CDV3: variants seen among roughly 807,000 people sequenced by gnomAD.
The protein encoded by CDV3 is CDV3 homolog, also known as protein CDV3 homolog.
A neutral mutation model predicts 24.5 loss-of-function variants in CDV3; 14 were observed. The observed-to-expected ratio is 0.57, with a 90% CI of 0.38 to 0.89. CDV3 has a LOEUF of 0.89. Among genes scored for constraint, CDV3 ranks in the 40% least tolerant of loss-of-function variants. The pLI is 0.00. For missense variants in CDV3, 304 were observed against 310.2 expected (o/e 0.98, Z 0.15); for synonymous variants, 114 against 114.1 (o/e 1.00, Z 0.00).
Position 133,575,110 on chromosome 3 carries a change from A to G in CDV3, c.312A>G (p.Gln104=). ...DYSGLRVQAM[Q]ISSEKEEDDN... ...GCGGCCTCAGGGTTCAGGCAATGCA[A>G]ATAAGGTATAGTCTGGTTACAAATG... Residue 104 remains glutamine (Q), a synonymous_variant, in exon 2 of 5, where the codon CAA becomes CAG. Coordinates refer to ENST00000264993, the MANE Select transcript of CDV3 (RefSeq NM_017548.5). The G allele has an allele frequency of 2.0e-6, 3 of 1,531,292 alleles. No homozygotes were observed. The highest frequency in any genetic ancestry group is 1.4e-5 in the African/African-American group (1 of 73,478). 94.9% of individuals were successfully genotyped at this position (1,531,292 alleles called of 1,614,324 possible). A position where few individuals can be genotyped will look rare whatever the true frequency, so the allele number is the denominator to read the frequency against.
chr3:133,576,438 G>A (rs1467560710), intron 2 of CDV3, among the ~76,000 whole-genome samples: 1 of 152,150 alleles, frequency 6.6e-6, no homozygotes, highest in African/African-American at 2.4e-5. Context: ...TGTGTGTGTG[G>A]CTCCGGTTCT....
At chr3:133,575,879 G>GA (rs1287499038) in intron 2 of CDV3, among the ~76,000 whole-genome samples, 1 of 152,138 alleles carries the variant, frequency 6.6e-6, no homozygotes, top group East Asian at 1.9e-4. Context: ...CATAAAGTAG[G>GA]AAAAAACAAA....
At chr3:133,583,214 A>G (rs753135412) in intron 2 of CDV3, among the ~76,000 whole-genome samples, 17 of 152,214 alleles carry the variant, frequency 1.1e-4, no homozygotes, top group South Asian at 2.1e-4. Flanking sequence ...GGCTAATTCT[A>G]TCCTCTGTAA....
At chr3:133,587,088 C>A in intron 4 of CDV3, 4 of 755,694 alleles carry the variant, frequency 5.3e-6, no homozygotes, top group Non-Finnish European at 6.0e-6. Context: ...TAATTGTATT[C>A]CCAGTTAATG....
intron 2 of CDV3, among the ~76,000 whole-genome samples, chr3:133,582,177 C>T (rs1332515731): frequency 6.6e-6 from 1 of 152,028 alleles, no homozygotes; most frequent in African/African-American, 2.4e-5. Context: ...TTATTTTTGA[C>T]ACGGAGTCTC....
At chr3:133,580,294 A>C (rs891595760) in intron 2 of CDV3, among the ~76,000 whole-genome samples, 6 of 152,252 alleles carry the variant, frequency 3.9e-5, no homozygotes, top group African/African-American at 1.4e-4. Context: ...TGCAAAGGAC[A>C]TGAGCTCATC....
At position 133,584,032 on chromosome 3, in the gene CDV3, G is replaced by A. The variant is rs758306813; in HGVS notation, c.348G>A (p.Lys116=). 10 of 1,609,516 alleles carry A rather than the reference G, an allele frequency of 6.2e-6. No homozygotes were observed. The highest frequency in any genetic ancestry group is 3.4e-4 in the Middle Eastern group (2 of 5,958). ...AAAAGGAAGAAGACGATAATGAAAA[G>A]AGACAAGATCCAGGTGATAACTGGG... is the stretch of plus-strand genomic sequence containing the variant. ...SSEKEEDDNE[K]RQDPGDNWEE... Residue 116 remains lysine, a synonymous_variant, in exon 3 of 5, where the codon AAG becomes AAA. Transcript: ENST00000264993.
chr3:133,575,078 G>A lies in CDV3; in HGVS notation c.280G>A (p.Asp94Asn). The A allele has an allele frequency of 6.2e-7, 1 of 1,605,374 alleles. No individual in the cohort carries two copies. The change falls in exon 2 of 5, where the codon GAT (aspartate) becomes AAT (asparagine). Residue 94 changes from aspartate (D) to asparagine (N), a missense_variant. By Grantham distance (23) the Asp-to-Asn change is conservative. Coordinates refer to ENST00000264993, the MANE Select transcript of CDV3 (RefSeq NM_017548.5). The part of the protein sequence containing the change: ...EWKELEQKEV[D>N]YSGLRVQAMQ... ...GAAAGAATTGGAGCAAAAAGAGGTT[G>A]ATTACAGCGGCCTCAGGGTTCAGGC...
rs933818165 is a variant in CDV3 at position 133,574,206 on chromosome 3, G to C, written c.162G>C (p.Ala54=). 2.1e-5 allele frequency: 21 copies of C among 1,014,134 alleles called. No individual in the cohort carries two copies. The highest frequency in any genetic ancestry group is 6.0e-5 in the Admixed American group (1 of 16,624). The allele number at this position is 1,014,134 out of a possible 1,614,324, so 62.8% of individuals were successfully genotyped here. A position where few individuals can be genotyped will look rare whatever the true frequency, so the allele number is the denominator to read the frequency against. ...GTGCGGCGGGCGGCGGGGCGGGCGC[G>C]GGGACCCGGCCGGGTGACGGCGGGA... is the stretch of plus-strand genomic sequence containing the variant. ...AAGAAGGGAG[A]GTRPGDGGTA... is the part of the protein sequence containing the mutation. Residue 54 remains alanine (A), a synonymous_variant, in exon 1 of 5, where the codon GCG becomes GCC. Transcript: ENST00000264993.
intron 1 of CDV3, chr3:133,574,540 C>T (rs2074727441): frequency 6.1e-6 from 6 of 985,878 alleles, no homozygotes; most frequent in Non-Finnish European, 7.2e-6. Flanking sequence ...CGCCACCCTC[C>T]GGGGGCACTA....
chr3:133,588,159 AT>A lies in CDV3; in HGVS notation c.*116del. 1 of 1,551,354 alleles carries A rather than the reference AT, an allele frequency of 6.4e-7. No individual in the cohort carries two copies. The highest frequency in any genetic ancestry group is 1.3e-5 in the South Asian group (1 of 79,914). On this transcript the variant is annotated 3_prime_UTR_variant, in exon 5 of 5. Coordinates refer to ENST00000264993, the MANE Select transcript of CDV3 (RefSeq NM_017548.5). ...TACAGACACCGATGCAGACCACTCG[AT>A]TTCATGACCGGCCCTATTGCACTAT... is the stretch of plus-strand genomic sequence containing the variant.
At chr3:133,578,440 C>G (rs1005546955) in intron 2 of CDV3, among the ~76,000 whole-genome samples, 9 of 152,298 alleles carry the variant, frequency 5.9e-5, no homozygotes, top group African/African-American at 2.2e-4. Context: ...TTAGGTAGAG[C>G]TGGTTACATT....
rs1408594549 is a variant in CDV3, at chr3:133,586,798, A to G, written c.626+76A>G. On this transcript the variant is annotated intron_variant, in intron 4 of 4. Coordinates refer to ENST00000264993, the MANE Select transcript of CDV3 (RefSeq NM_017548.5). ...AGGGAGTGGGATATAGGGGATGTGC[A>G]TACCCACCCAAGGGAGAGACTACTC... 7.0e-6 allele frequency: 6 copies of G among 854,822 alleles called. No individual in the cohort carries two copies. In the Admixed American group the frequency reaches 9.6e-5, roughly 14 times the overall value. 53.0% of individuals were successfully genotyped at this position (854,822 alleles called of 1,614,324 possible).
chr3:133,582,500 A>G lies in CDV3; in HGVS notation c.318-1502A>G, dbSNP rs116411591. 9.1e-3 allele frequency among the ~76,000 whole-genome samples: 1,389 copies of G among 152,356 alleles called. 8 individuals are homozygous for G. Among genetic ancestry groups the G allele is most frequent in the Non-Finnish European group, 0.013 (872 of 68,032 alleles). On this transcript the variant is annotated intron_variant, in intron 2 of 4. Transcript: ENST00000264993. ...TTTGCCACTTACTTTTTTCCTAAGTATCTTTAAAGGAGACTGTCAAGCTAG... is the reference window on the plus strand; with the variant it reads ...TTTGCCACTTACTTTTTTCCTAAGTGTCTTTAAAGGAGACTGTCAAGCTAG...
Position 133,573,900 on chromosome 3 carries a change from C to A in CDV3, c.-145C>A. ...ACGCAGGGGGAGCCGCCCGTCTCGC[C>A]GCGCACGCCTCGGCGACCCCGCGGG... On this transcript the variant is annotated 5_prime_UTR_variant, in exon 1 of 5. Coordinates refer to ENST00000264993, the MANE Select transcript of CDV3 (RefSeq NM_017548.5). The A allele has an allele frequency of 1.9e-6, 1 of 527,444 alleles. No individual in the cohort carries two copies. The highest frequency in any genetic ancestry group is 2.4e-6 in the Non-Finnish European group (1 of 411,644). The allele number at this position is 527,444 out of a possible 1,614,324, so 32.7% of individuals were successfully genotyped here. A position where few individuals can be genotyped will look rare whatever the true frequency, so the allele number is the denominator to read the frequency against.
intron 2 of CDV3, among the ~76,000 whole-genome samples, chr3:133,577,406 G>A (rs1405660556): frequency 6.6e-6 from 1 of 151,104 alleles, no homozygotes; most frequent in Non-Finnish European, 1.5e-5. Context: ...TGTTGCACAG[G>A]CTGGAGTGCA....
At chr3:133,580,979 A>T (rs1932958503) in intron 2 of CDV3, among the ~76,000 whole-genome samples, 3 of 152,134 alleles carry the variant, frequency 2.0e-5, no homozygotes, top group South Asian at 4.1e-4. Flanking sequence ...TTTATTTTTT[A>T]ATTTTTTTCC....
chr3:133,580,078 G>T (rs1278647275), intron 2 of CDV3, among the ~76,000 whole-genome samples: 1 of 152,092 alleles, frequency 6.6e-6, no homozygotes, highest in African/African-American at 2.4e-5. Context: ...CCATCAACTT[G>T]TCATTTACAT....
intron 3 of CDV3, 64 bp downstream of exon 3, chr3:133,584,214 C>T: frequency 8.1e-7 from 1 of 1,232,366 alleles, no homozygotes; most frequent in Non-Finnish European, 1.2e-6. Context: ...ATATGGTCCA[C>T]TTTCAACTAA....
Sources: allele counts gnomAD v4.1 joint callset (sites outside exome capture counted in the v4.1 genomes callset), GRCh38; gene constraint gnomAD v4.1.1; transcripts MANE v1.5; gene names NCBI Gene and HGNC (gene_info 2026-07-23, HGNC 2026-07-21).